Variants in CDH9 observed in about 807,000 individuals in gnomAD.
CDH9 encodes the protein cadherin 9.
In CDH9, 28 loss-of-function variants were observed where a neutral mutation model predicts 70.9. That is an observed-to-expected ratio of 0.40 (90% CI 0.29 to 0.54). The LOEUF (loss-of-function observed/expected upper bound fraction) is 0.54, where lower values mean the gene tolerates loss of function less well. CDH9 is among the 20% of genes least tolerant of loss of function. The pLI, the probability that CDH9 is intolerant of heterozygous loss-of-function variation, is 0.59. For missense variants in CDH9, 874 were observed against 984.4 expected (o/e 0.89, Z 1.50); for synonymous variants, 409 against 343.1 (o/e 1.19, Z -2.12).
At chr5:26,905,849 T>C (rs1235842558) in intron 5 of CDH9, 110 bp downstream of exon 5, 3 of 774,624 alleles carry the variant, frequency 3.9e-6, no homozygotes, top group African/African-American at 3.5e-5. Flanking sequence ...TGGTTTTTTC[T>C]TTATGCATAA....
intron 1 of CDH9, among the ~76,000 whole-genome samples, chr5:26,991,537 T>C (rs1742578627): frequency 6.6e-6 from 1 of 152,208 alleles, no homozygotes; most frequent in African/African-American, 2.4e-5. Context: ...TTTCCATCCC[T>C]GTCCTATTAC....
chr5:26,938,614 G>A (rs532191673), intron 2 of CDH9, among the ~76,000 whole-genome samples: 1 of 152,190 alleles, frequency 6.6e-6, no homozygotes, highest in South Asian at 2.1e-4. Flanking sequence ...GACAGAGTAA[G>A]TGCATTCTTC....
intron 1 of CDH9, among the ~76,000 whole-genome samples, chr5:27,025,644 C>T (rs1446557059): frequency 6.6e-6 from 1 of 151,940 alleles, no homozygotes; most frequent in African/African-American, 2.4e-5. Context: ...TAATTAGGTT[C>T]CTTCTTTTGG....
chr5:26,906,937 A>G, intron 3 of CDH9, 99 bp from the exon 4 acceptor site: 1 of 1,367,536 alleles, frequency 7.3e-7, no homozygotes, highest in Non-Finnish European at 9.5e-7. Flanking sequence ...TTTGTATTAG[A>G]CGATGTTGTA....
At chr5:26,993,698 C>CAAAAAAAAAAAAAAAAAA (rs34545141) in intron 1 of CDH9, among the ~76,000 whole-genome samples, 1 of 51,004 alleles carries the variant, frequency 2.0e-5, no homozygotes, top group Non-Finnish European at 3.3e-5. Context: ...TATTCAGCTG[C>CAAAAAAAAAAAAAAAAAA]AAAAAAAAAA....
chr5:26,927,448 G>A (rs2112019672), intron 2 of CDH9, among the ~76,000 whole-genome samples: 1 of 152,006 alleles, frequency 6.6e-6, no homozygotes, highest in Middle Eastern at 3.4e-3. Flanking sequence ...ATTATAATTA[G>A]GATAGCTTTG....
chr5:26,929,601 C>T (rs1041423686), intron 2 of CDH9, among the ~76,000 whole-genome samples: 1 of 151,938 alleles, frequency 6.6e-6, no homozygotes, highest in East Asian at 1.9e-4. Context: ...AAGTGTTCAT[C>T]AAGAGACAAA....
chr5:26,906,162 A>T lies in CDH9; in HGVS notation c.644-36T>A, dbSNP rs1740944841. 2.5e-6 allele frequency: 4 copies of T among 1,570,354 alleles called. No homozygotes were observed. The African/African-American group carries it at 5.4e-5, about 21-fold the overall frequency. On this transcript the variant is annotated intron_variant, in intron 4 of 11. Coordinates refer to ENST00000231021, the MANE Select transcript of CDH9 (RefSeq NM_016279.4). Reference sequence around the variant, plus strand: ...AAGCAGACAAAAGTTTTGCAATTAAATCGCTGAGTTTTAAAATTAAGCTAG... The same window carrying T: ...AAGCAGACAAAAGTTTTGCAATTAATTCGCTGAGTTTTAAAATTAAGCTAG...
At chr5:26,926,746 T>A (rs916733337) in intron 2 of CDH9, among the ~76,000 whole-genome samples, 4 of 151,550 alleles carry the variant, frequency 2.6e-5, no homozygotes, top group African/African-American at 9.7e-5. Context: ...CCAAAACAGA[T>A]AAATAGACCA....
chr5:26,916,001 A>G (rs1444432472), intron 2 of CDH9, 77 bp from the exon 3 acceptor site: 29 of 902,094 alleles, frequency 3.2e-5, no homozygotes, highest in Non-Finnish European at 4.9e-5. Flanking sequence ...GGCGCTATCA[A>G]TTCGTCTCCA....
chr5:26,954,885 G>T (rs544759238), intron 2 of CDH9, among the ~76,000 whole-genome samples: 2 of 152,092 alleles, frequency 1.3e-5, no homozygotes, highest in Non-Finnish European at 2.9e-5. Context: ...AATTTATAGT[G>T]GGCCAGGTGT....
intron 7 of CDH9, among the ~76,000 whole-genome samples, chr5:26,894,097 T>A (rs1740706340): frequency 6.6e-6 from 1 of 152,142 alleles, no homozygotes; most frequent in Non-Finnish European, 1.5e-5. Context: ...AAGAACATAA[T>A]TACATCTGTG....
intron 1 of CDH9, among the ~76,000 whole-genome samples, chr5:26,993,698 CAAAAAA>C (rs34545141): frequency 1.8e-4 from 9 of 51,004 alleles, no homozygotes; most frequent in African/African-American, 5.9e-4. Flanking sequence ...TATTCAGCTG[CAAAAAA>C]AAAAAAAAAA....
In CDH9 at chr5:27,021,329, T is replaced by C. The variant is rs116787721; in HGVS notation, c.-50+17134A>G. 2.6e-3 allele frequency among the ~76,000 whole-genome samples: 395 copies of C among 151,966 alleles called. 2 individuals carry two copies. The highest frequency in any genetic ancestry group is 9.0e-3 in the African/African-American group (375 of 41,532). On this transcript the variant is annotated intron_variant, in intron 1 of 11. Coordinates refer to ENST00000231021, the MANE Select transcript of CDH9 (RefSeq NM_016279.4). Reference sequence around the variant, plus strand: ...ATATTAATAGTCAGCACTTATGATCTACAATTGTATATTCCCCCAGAAGAA... The same window carrying C: ...ATATTAATAGTCAGCACTTATGATCCACAATTGTATATTCCCCCAGAAGAA...
At chr5:26,998,493 C>T (rs1742705822) in intron 1 of CDH9, among the ~76,000 whole-genome samples, 1 of 151,882 alleles carries the variant, frequency 6.6e-6, no homozygotes, top group Admixed American at 6.6e-5. Context: ...AAAAAACAAA[C>T]ACCACATGTT....
chr5:26,950,293 T>C (rs1196883932), intron 2 of CDH9, among the ~76,000 whole-genome samples: 1 of 152,214 alleles, frequency 6.6e-6, no homozygotes, highest in African/African-American at 2.4e-5. Flanking sequence ...CTTTGGTCAG[T>C]ATCTCAGTGC....
chr5:26,987,207 T>G (rs1742503793), intron 2 of CDH9, among the ~76,000 whole-genome samples: 1 of 150,428 alleles, frequency 6.6e-6, no homozygotes, highest in Admixed American at 6.7e-5. Context: ...ATATATGCCA[T>G]GACTCAAAAA....
At chr5:26,959,977 A>G (rs1742007767) in intron 2 of CDH9, among the ~76,000 whole-genome samples, 1 of 152,036 alleles carries the variant, frequency 6.6e-6, no homozygotes, top group South Asian at 2.1e-4. Context: ...AATGTACTAA[A>G]TTCCACTGAA....
intron 2 of CDH9, among the ~76,000 whole-genome samples, chr5:26,935,614 G>A (rs73073531): frequency 6.6e-6 from 1 of 152,112 alleles, no homozygotes; most frequent in Non-Finnish European, 1.5e-5. Context: ...ATAGATGTTG[G>A]TGGAGATGTG....
Sources: gnomAD v4.1 joint callset for allele counts (sites outside exome capture counted in the v4.1 genomes callset) on GRCh38, gnomAD v4.1.1 for gene constraint, MANE v1.5 for transcripts, NCBI Gene and HGNC (gene_info 2026-07-23, HGNC 2026-07-21) for gene names.